The following TENM2 variants were observed in gnomAD, a reference collection of about 807,000 sequenced individuals.
TENM2 encodes the protein teneurin-2.
In TENM2, 52 loss-of-function variants were observed where a neutral mutation model predicts 245.2. The ratio of observed to expected loss-of-function variants is 0.21; its 90% CI spans 0.17 to 0.27. The LOEUF (loss-of-function observed/expected upper bound fraction) is 0.27, where lower values mean the gene tolerates loss of function less well. Among genes scored for constraint, TENM2 ranks in the 10% least tolerant of loss-of-function variants. The pLI is 1.00. For missense variants in TENM2, 3,046 were observed against 3,666.8 expected (o/e 0.83, Z 4.37); for synonymous variants, 1,363 against 1,438.9 (o/e 0.95, Z 1.19).
chr5:168,230,386 T>G (rs1368223303), intron 25 of TENM2, among the ~76,000 whole-genome samples: 1 of 152,230 alleles, frequency 6.6e-6, no homozygotes, highest in African/African-American at 2.4e-5. Context: ...TTATTTTAAT[T>G]CAGTTCGTAA....
chr5:167,331,357 A>C (rs189254036), intron 1 of TENM2, among the ~76,000 whole-genome samples: 5 of 152,328 alleles, frequency 3.3e-5, no homozygotes, highest in Non-Finnish European at 5.9e-5. Context: ...TTCAAAAATT[A>C]ATGGCTAAAT....
chr5:167,768,926 G>T (rs1280577525), intron 2 of TENM2, among the ~76,000 whole-genome samples: 1 of 152,142 alleles, frequency 6.6e-6, no homozygotes, highest in East Asian at 1.9e-4. Flanking sequence ...AGAGGGTGCG[G>T]CTCATGGTCA....
chr5:168,002,456 A>G (rs1259550489), intron 5 of TENM2, among the ~76,000 whole-genome samples: 1 of 152,250 alleles, frequency 6.6e-6, no homozygotes, highest in Non-Finnish European at 1.5e-5. Context: ...GGGAAGGGTC[A>G]GTGGCAGTGT....
At chr5:167,098,875 C>T in the TENM2 span, among the ~76,000 whole-genome samples, 3 of 152,160 alleles carry the variant, frequency 2.0e-5, no homozygotes, top group Non-Finnish European at 2.9e-5. Flanking sequence ...AGTCTCTTTG[C>T]GTTAGCATTG....
intron 2 of TENM2, among the ~76,000 whole-genome samples, chr5:167,414,753 C>T (rs1176061877): frequency 1.3e-5 from 2 of 152,040 alleles, no homozygotes; most frequent in African/African-American, 4.8e-5. Context: ...TCAAATGTAA[C>T]CTATCTTAGG....
At chr5:167,910,932 T>C (rs1776495669) in intron 3 of TENM2, among the ~76,000 whole-genome samples, 1 of 152,212 alleles carries the variant, frequency 6.6e-6, no homozygotes, top group East Asian at 1.9e-4. Context: ...TTGAGGACTA[T>C]ACAATTTATG....
intron 2 of TENM2, among the ~76,000 whole-genome samples, chr5:167,684,075 C>T (rs1381735298): frequency 2.0e-5 from 3 of 152,196 alleles, no homozygotes; most frequent in Non-Finnish European, 4.4e-5. Context: ...TTCTCTTCTC[C>T]AGTCGTCATT....
intron 2 of TENM2, among the ~76,000 whole-genome samples, chr5:167,791,331 G>A (rs976342455): frequency 6.7e-6 from 1 of 149,838 alleles, no homozygotes; most frequent in Non-Finnish European, 1.5e-5. Context: ...TGTAATACGG[G>A]TACACATTAC....
chr5:167,525,860 T>C (rs980682875), intron 2 of TENM2, among the ~76,000 whole-genome samples: 3 of 152,150 alleles, frequency 2.0e-5, no homozygotes, highest in African/African-American at 7.2e-5. Flanking sequence ...TCTTCATTTG[T>C]TATGTGACTT....
rs1050799086 is a variant in TENM2 at position 167,777,554 on chromosome 5, C to T, written c.503-98432C>T. Among the ~76,000 whole-genome samples the T allele has an allele frequency of 6.6e-5, 10 of 152,218 alleles. No individual in the cohort carries two copies. The East Asian group carries it at 9.7e-4, about 15-fold the overall frequency. On this transcript the variant is annotated intron_variant, in intron 2 of 28. Coordinates refer to ENST00000518659, the Ensembl canonical transcript of TENM2. ...CTGGCCTTGAATCTCAGCCCTGGCA[C>T]GTTTTACATGTGTGATTTTGAGAAA...
chr5:168,141,511 A>C (rs554986590), intron 12 of TENM2, among the ~76,000 whole-genome samples: 30 of 152,344 alleles, frequency 2.0e-4, no homozygotes, highest in African/African-American at 7.2e-4. Flanking sequence ...CTTTAGAGCC[A>C]GAGGAAACTG....
the TENM2 span, among the ~76,000 whole-genome samples, chr5:167,186,326 T>G: frequency 6.6e-6 from 1 of 152,296 alleles, no homozygotes; most frequent in African/African-American, 2.4e-5. Context: ...GTTTGAAAGA[T>G]GTACTTCTGA....
intron 2 of TENM2, among the ~76,000 whole-genome samples, chr5:167,760,293 A>T (rs1762576453): frequency 6.6e-6 from 1 of 152,216 alleles, no homozygotes; most frequent in Non-Finnish European, 1.5e-5. Flanking sequence ...AAGAGAAATT[A>T]AGTCATCCCA....
At chr5:167,163,458 T>C in the TENM2 span, among the ~76,000 whole-genome samples, 6 of 152,180 alleles carry the variant, frequency 3.9e-5, no homozygotes, top group African/African-American at 1.2e-4. Context: ...ACTGGAAATA[T>C]GCATGTTTTT....
At chr5:168,197,103 A>T (rs17069979) in intron 15 of TENM2, among the ~76,000 whole-genome samples, 3 of 152,062 alleles carry the variant, frequency 2.0e-5, no homozygotes, top group African/African-American at 2.4e-5. Context: ...ACTTCAAGAC[A>T]TTTGACTCTC....
chr5:167,930,946 C>T (rs1286795666), intron 3 of TENM2, among the ~76,000 whole-genome samples: 1 of 152,202 alleles, frequency 6.6e-6, no homozygotes, highest in Non-Finnish European at 1.5e-5. Context: ...AGGTTTACAA[C>T]TTTGTCAGTG....
chr5:167,332,774 T>A (rs1163258764), intron 1 of TENM2, among the ~76,000 whole-genome samples: 1 of 152,226 alleles, frequency 6.6e-6, no homozygotes, highest in Non-Finnish European at 1.5e-5. Flanking sequence ...TTATGAATAG[T>A]CTTTCAGTGT....
chr5:167,652,025 A>C (rs558541282), intron 2 of TENM2, among the ~76,000 whole-genome samples: 2 of 152,106 alleles, frequency 1.3e-5, no homozygotes, highest in South Asian at 2.1e-4. Context: ...ACATGGACTA[A>C]CGATCTTATT....
intron 2 of TENM2, among the ~76,000 whole-genome samples, chr5:167,498,424 C>T (rs1253538725): frequency 2.0e-5 from 3 of 152,082 alleles, no homozygotes; most frequent in Non-Finnish European, 4.4e-5. Context: ...TTAATATTTT[C>T]TGACATAACT....
Sources: allele counts gnomAD v4.1 joint callset (sites outside exome capture counted in the v4.1 genomes callset), GRCh38; gene constraint gnomAD v4.1.1; transcripts MANE v1.5; gene names NCBI Gene and HGNC (gene_info 2026-07-23, HGNC 2026-07-21).